Variants in SCAF8 observed in about 807,000 individuals in gnomAD.
SCAF8 encodes SR-related and CTD-associated factor 8.
Under a neutral mutation model 140.5 loss-of-function variants are expected in SCAF8, and 23 were observed. The ratio of observed to expected loss-of-function variants is 0.16; its 90% confidence interval spans 0.12 to 0.23. The LOEUF (loss-of-function observed/expected upper bound fraction) is 0.23, where lower values mean the gene tolerates loss of function less well. SCAF8 is among the 10% of genes least tolerant of loss of function. The pLI, the probability that SCAF8 is intolerant of heterozygous loss-of-function variation, is 1.00. For synonymous variants in SCAF8, 575 were observed against 528.9 expected (o/e 1.09, Z -1.20); for missense variants, 1,397 against 1,555.7 (o/e 0.90, Z 1.72).
chr6:154,828,685 T>C (rs890157136), intron 18 of SCAF8, among the ~76,000 whole-genome samples: 1 of 152,132 alleles, frequency 6.6e-6, no homozygotes, highest in African/African-American at 2.4e-5. Context: ...ATTTTTCCAG[T>C]TGGGGTATGG....
At chr6:154,756,611 G>GT (rs369895586) in intron 1 of SCAF8, among the ~76,000 whole-genome samples, 46 of 149,806 alleles carry the variant, frequency 3.1e-4, no homozygotes, top group Middle Eastern at 3.4e-3. Context: ...TAGTAAAACT[G>GT]TTTGAGTTAG....
intron 1 of SCAF8, among the ~76,000 whole-genome samples, chr6:154,760,962 T>G (rs937429219): frequency 6.6e-6 from 1 of 152,004 alleles, no homozygotes; most frequent in Admixed American, 6.6e-5. Context: ...TTTTTTCTTT[T>G]TTCTTTTTTT....
At chr6:154,786,482 T>C (rs1260196524) in intron 3 of SCAF8, among the ~76,000 whole-genome samples, 1 of 152,258 alleles carries the variant, frequency 6.6e-6, no homozygotes, top group Non-Finnish European at 1.5e-5. Flanking sequence ...GCTAATTTGT[T>C]AGTCTTACAA....
intron 7 of SCAF8, 112 bp from the exon 8 acceptor site, chr6:154,803,432 A>G (rs1011736727): frequency 1.4e-6 from 1 of 732,684 alleles, no homozygotes; most frequent in Admixed American, 2.4e-5. Flanking sequence ...ATGTTTATTT[A>G]CACATTAAAT....
In SCAF8 at chr6:154,784,130, TA is replaced by T. The variant is rs1562444107; in HGVS notation, c.160-3730del. Among the ~76,000 whole-genome samples, 74 of 63,630 alleles carry T rather than the reference TA, an allele frequency of 1.2e-3. 2 individuals carry two copies. In the Middle Eastern group the frequency reaches 0.053, roughly 45 times the overall value. The allele number at this position is 63,630 out of a possible 152,430, so 41.7% of individuals were successfully genotyped here. A position where few individuals can be genotyped will look rare whatever the true frequency, so the allele number is the denominator to read the frequency against. Reference sequence around the variant, plus strand: ...TCTCTGGTGTCTTGAGATATATATATATATATATATATATATATATATATAT... The same window carrying T: ...TCTCTGGTGTCTTGAGATATATATATTATATATATATATATATATATATAT... On this transcript the variant is annotated intron_variant, in intron 3 of 19. Transcript: ENST00000367178.
At chr6:154,790,183 G>A (rs1029110050) in intron 4 of SCAF8, among the ~76,000 whole-genome samples, 1 of 152,100 alleles carries the variant, frequency 6.6e-6, no homozygotes, top group African/African-American at 2.4e-5. Context: ...TAGTTGTTAG[G>A]TGCTGGCCAG....
At position 154,820,348 on chromosome 6, in the gene SCAF8, G is replaced by T. The variant is rs773569665; in HGVS notation, c.1792+15G>T. On this transcript the variant is annotated intron_variant, in intron 15 of 19. Transcript: ENST00000367178. Reference sequence around the variant, plus strand: ...TGTAAATACTGGTAAGAATTCTAAGGTCTTTTTATTGTTAAAAAAAAGTAT... The same window carrying T: ...TGTAAATACTGGTAAGAATTCTAAGTTCTTTTTATTGTTAAAAAAAAGTAT... 6 of 1,590,496 alleles carry T rather than the reference G, an allele frequency of 3.8e-6. No homozygotes were observed. The Admixed American group carries it at 5.6e-5, about 15-fold the overall frequency.
In SCAF8 at chr6:154,805,443, A is replaced by G. The variant is rs1777885555; in HGVS notation, c.938A>G (p.Glu313Gly). 1 of 1,612,164 alleles carries G rather than the reference A, an allele frequency of 6.2e-7. No individual in the cohort carries two copies. Among genetic ancestry groups the G allele is most frequent in the Non-Finnish European group, 8.5e-7 (1 of 1,178,652 alleles). The change falls in exon 9 of 20, where the codon GAA becomes GGA. Residue 313 changes from glutamate to glycine, a missense_variant. This residue lies in a region of SCAF8 where 339 missense variants were observed against 407.5 expected (regional missense o/e 0.83). Coordinates refer to ENST00000367178, the MANE Select transcript of SCAF8 (RefSeq NM_014892.5). Reference protein sequence around the residue: ...IAEQLQQQNLEHLRQQLLEQQ... With the variant: ...IAEQLQQQNLGHLRQQLLEQQ... Reference sequence around the variant, plus strand: ...GAACAACTACAACAGCAAAACCTAGAACATCTCAGACAGCAGCTCTTGGAG... The same window carrying G: ...GAACAACTACAACAGCAAAACCTAGGACATCTCAGACAGCAGCTCTTGGAG...
chr6:154,816,295 A>C (rs1778246336), intron 13 of SCAF8, among the ~76,000 whole-genome samples: 1 of 152,064 alleles, frequency 6.6e-6, no homozygotes, highest in Non-Finnish European at 1.5e-5. Flanking sequence ...CTTTTTTATC[A>C]AACAGAGCAA....
intron 1 of SCAF8, among the ~76,000 whole-genome samples, chr6:154,749,232 C>T (rs1303669729): frequency 6.6e-6 from 1 of 152,238 alleles, no homozygotes; most frequent in Non-Finnish European, 1.5e-5. Flanking sequence ...TGAGCCACCG[C>T]ACCCAGCCTA....
At chr6:154,822,121 TG>T in intron 15 of SCAF8, 154 bp from the exon 16 acceptor site, 1 of 635,730 alleles carries the variant, frequency 1.6e-6, no homozygotes, top group Non-Finnish European at 2.5e-6. Context: ...CAGATTAATC[TG>T]GGCAGAAATC....
At chr6:154,797,744 T>G (rs935125500) in intron 6 of SCAF8, among the ~76,000 whole-genome samples, 2 of 151,478 alleles carry the variant, frequency 1.3e-5, no homozygotes, top group African/African-American at 4.8e-5. Flanking sequence ...ATGCAATAAT[T>G]ACATATTATG....
intron 3 of SCAF8, among the ~76,000 whole-genome samples, chr6:154,785,245 G>C (rs1210104493): frequency 1.3e-5 from 2 of 152,104 alleles, no homozygotes; most frequent in Non-Finnish European, 2.9e-5. Context: ...CACTTCTGTT[G>C]ACATTGTGTG....
At chr6:154,813,274 C>T (rs945381959) in intron 12 of SCAF8, among the ~76,000 whole-genome samples, 1 of 151,882 alleles carries the variant, frequency 6.6e-6, no homozygotes, top group Non-Finnish European at 1.5e-5. Context: ...CCTATAATCC[C>T]AGTACTTTGG....
At chr6:154,828,060 TTGG>T (rs1280849126) in intron 18 of SCAF8, among the ~76,000 whole-genome samples, 1 of 152,206 alleles carries the variant, frequency 6.6e-6, no homozygotes, top group African/African-American at 2.4e-5. Context: ...TGATTCACTC[TTGG>T]TGTTTTGTTC....
chr6:154,816,001 TA>T (rs1052879558), intron 13 of SCAF8, among the ~76,000 whole-genome samples, 185 bp downstream of exon 13: 2 of 152,356 alleles, frequency 1.3e-5, no homozygotes, highest in African/African-American at 4.8e-5. Context: ...TAATTATTTT[TA>T]TTTTTTAGTG....
chr6:154,826,067 T>C (rs1778559477), intron 17 of SCAF8, among the ~76,000 whole-genome samples: 1 of 152,198 alleles, frequency 6.6e-6, no homozygotes, highest in Non-Finnish European at 1.5e-5. Context: ...GTAGAGTTTT[T>C]AGCAAGACTA....
intron 1 of SCAF8, among the ~76,000 whole-genome samples, chr6:154,738,848 A>C (rs1011083570): frequency 2.6e-5 from 4 of 152,282 alleles, no homozygotes; most frequent in South Asian, 2.1e-4. Flanking sequence ...AATGATCACT[A>C]TGTGGAGGTC....
At chr6:154,770,542 C>T (rs920853894) in intron 1 of SCAF8, among the ~76,000 whole-genome samples, 1 of 151,754 alleles carries the variant, frequency 6.6e-6, no homozygotes, top group African/African-American at 2.4e-5. Flanking sequence ...CTGTACCACT[C>T]CAGCCTGGGT....
Sources: allele counts gnomAD v4.1 joint callset (sites outside exome capture counted in the v4.1 genomes callset), GRCh38; gene constraint gnomAD v4.1.1; regional missense constraint gnomAD v4.1.1; transcripts MANE v1.5; gene names NCBI Gene and HGNC (gene_info 2026-07-23, HGNC 2026-07-21).